SPIDR: variants seen among roughly 807,000 people sequenced by gnomAD.
The protein encoded by SPIDR is scaffold protein involved in DNA repair.
Under a neutral mutation model 104.6 loss-of-function variants are expected in SPIDR, and 93 were observed. The observed-to-expected ratio is 0.89, with a 90% confidence interval of 0.75 to 1.06. SPIDR has a LOEUF of 1.06. SPIDR is among the 50% of genes least tolerant of loss of function. SPIDR has a pLI of 0.00. For synonymous variants in SPIDR, 431 were observed against 416.9 expected, an observed-to-expected ratio of 1.03 and a Z score of -0.41; for missense variants, 1,154 against 1,111.2, an observed-to-expected ratio of 1.04 and a Z score of -0.55.
intron 8 of SPIDR, among the ~76,000 whole-genome samples, chr8:47,480,839 G>C (rs999003820): frequency 1.2e-4 from 19 of 152,190 alleles, no homozygotes; most frequent in African/African-American, 4.6e-4. Flanking sequence ...TAATGATTAA[G>C]CCCTACATTG....
At chr8:47,453,674 G>A (rs1554707775) in intron 8 of SPIDR, among the ~76,000 whole-genome samples, 1 of 152,118 alleles carries the variant, frequency 6.6e-6, no homozygotes, top group African/African-American at 2.4e-5. Context: ...GCTGAAACTG[G>A]ATCCCTTCCT....
chr8:47,360,244 C>CAAAAAAAAAA (rs1186187617), intron 5 of SPIDR, among the ~76,000 whole-genome samples: 6 of 38,958 alleles, frequency 1.5e-4, no homozygotes, highest in African/African-American at 5.1e-4. Context: ...GACTCCATCT[C>CAAAAAAAAAA]AAAAAAAAAA....
chr8:47,700,995 C>T (rs1226071122), intron 12 of SPIDR, among the ~76,000 whole-genome samples: 1 of 152,172 alleles, frequency 6.6e-6, no homozygotes, highest in Non-Finnish European at 1.5e-5. Flanking sequence ...AGTGTTCCCT[C>T]CTCTCCCTCC....
At chr8:47,317,653 T>A (rs1009100317) in intron 5 of SPIDR, among the ~76,000 whole-genome samples, 35 of 152,152 alleles carry the variant, frequency 2.3e-4, no homozygotes, top group Admixed American at 2.2e-3. Context: ...CCTCCTCAAG[T>A]GGGTCCCTGA....
In SPIDR at chr8:47,658,667, G is replaced by T. The variant is rs146665860; in HGVS notation, c.1545-15134G>T. Among the ~76,000 whole-genome samples, 711 of 152,038 alleles carry T rather than the reference G, an allele frequency of 4.7e-3. 5 individuals carry two copies. The highest frequency in any genetic ancestry group is 0.016 in the African/African-American group (674 of 41,484). ...AGGCCTTTCTCGGCCAGACTTGGTGGCTCACGCCTGTAATCCCAGCACTTT... is the reference window on the plus strand; with the variant it reads ...AGGCCTTTCTCGGCCAGACTTGGTGTCTCACGCCTGTAATCCCAGCACTTT... On this transcript the variant is annotated intron_variant, in intron 10 of 19. Coordinates refer to ENST00000297423, the MANE Select transcript of SPIDR (RefSeq NM_001080394.4).
chr8:47,686,555 G>A (rs2077854813), intron 11 of SPIDR, among the ~76,000 whole-genome samples: 1 of 152,052 alleles, frequency 6.6e-6, no homozygotes, highest in African/African-American at 2.4e-5. Flanking sequence ...ATTAGATCAT[G>A]GTATTTATTT....
intron 8 of SPIDR, among the ~76,000 whole-genome samples, chr8:47,524,847 T>A (rs759286525): frequency 8.3e-4 from 127 of 152,340 alleles, no homozygotes; most frequent in Admixed American, 2.7e-3. Context: ...GCTAACACTT[T>A]GTACCAAGGG....
At chr8:47,302,268 G>T (rs1249686187) in intron 5 of SPIDR, among the ~76,000 whole-genome samples, 5 of 152,086 alleles carry the variant, frequency 3.3e-5, no homozygotes, top group African/African-American at 1.2e-4. Context: ...TCGTCACGTA[G>T]TTCTCGTGCT....
chr8:47,283,976 T>C (rs2038319796), intron 2 of SPIDR, 52 bp from the exon 3 acceptor site: 7 of 1,320,194 alleles, frequency 5.3e-6, no homozygotes, highest in African/African-American at 1.5e-5. Flanking sequence ...TTTATAAAAG[T>C]TTTTTTTTAG....
chr8:47,628,236 G>A (rs1185180270), intron 10 of SPIDR, among the ~76,000 whole-genome samples: 1 of 152,138 alleles, frequency 6.6e-6, no homozygotes, highest in Non-Finnish European at 1.5e-5. Context: ...TTTCCCCATG[G>A]TGTTTTAAAA....
At chr8:47,538,862 T>C (rs565022586) in intron 8 of SPIDR, among the ~76,000 whole-genome samples, 75 of 140,056 alleles carry the variant, frequency 5.4e-4, no homozygotes, top group African/African-American at 1.0e-3. Context: ...CTTTTCTTTT[T>C]TTTTTTTTTT....
At chr8:47,291,749 A>C (rs1299684539) in intron 4 of SPIDR, among the ~76,000 whole-genome samples, 1 of 152,218 alleles carries the variant, frequency 6.6e-6, no homozygotes, top group Non-Finnish European at 1.5e-5. Context: ...CAACGTCTAC[A>C]CAGTGCCACA....
intron 5 of SPIDR, among the ~76,000 whole-genome samples, chr8:47,314,328 A>T (rs897375507): frequency 6.6e-6 from 1 of 152,220 alleles, no homozygotes; most frequent in African/African-American, 2.4e-5. Flanking sequence ...GAGAAAATGA[A>T]AAAAGGTATA....
At chr8:47,548,605 A>C (rs2089903457) in intron 8 of SPIDR, among the ~76,000 whole-genome samples, 1 of 152,190 alleles carries the variant, frequency 6.6e-6, no homozygotes, top group African/African-American at 2.4e-5. Flanking sequence ...CTGCGATTGC[A>C]CCACTGCACT....
chr8:47,288,892 A>G (rs1454565679), intron 3 of SPIDR, among the ~76,000 whole-genome samples: 1 of 152,212 alleles, frequency 6.6e-6, no homozygotes, highest in African/African-American at 2.4e-5. Flanking sequence ...TGCAAAGTGG[A>G]ACATTCCATT....
intron 10 of SPIDR, among the ~76,000 whole-genome samples, chr8:47,621,819 G>T (rs937427739): frequency 2.6e-5 from 4 of 152,144 alleles, no homozygotes; most frequent in African/African-American, 9.7e-5. Context: ...ACAAAAATTA[G>T]CCAGGCATGA....
intron 8 of SPIDR, among the ~76,000 whole-genome samples, chr8:47,470,246 C>T (rs1468770427): frequency 3.3e-5 from 5 of 152,214 alleles, no homozygotes; most frequent in East Asian, 1.9e-4. Flanking sequence ...CAAATAAGAA[C>T]TCTTACATAT....
intron 5 of SPIDR, among the ~76,000 whole-genome samples, chr8:47,343,650 A>G (rs1030413142): frequency 8.5e-5 from 13 of 152,154 alleles, no homozygotes; most frequent in Non-Finnish European, 1.9e-4. Flanking sequence ...GCAGCGTGAC[A>G]TGGGTTTTAT....
chr8:47,503,766 C>T (rs2080973491), intron 8 of SPIDR, among the ~76,000 whole-genome samples: 1 of 152,142 alleles, frequency 6.6e-6, no homozygotes, highest in African/African-American at 2.4e-5. Flanking sequence ...TTTGCAGTGG[C>T]TGGTACCGGT....
Sources: gnomAD v4.1 joint callset for allele counts (sites outside exome capture counted in the v4.1 genomes callset) on GRCh38, gnomAD v4.1.1 for gene constraint, MANE v1.5 for transcripts, NCBI Gene and HGNC (gene_info 2026-07-23, HGNC 2026-07-21) for gene names.